VSIG10: variants seen among roughly 807,000 people sequenced by gnomAD.
VSIG10 encodes the protein V-set and immunoglobulin domain containing 10.
Under a neutral mutation model 58.7 loss-of-function variants are expected in VSIG10, and 48 were observed. The observed-to-expected ratio is 0.82, with a 90% CI of 0.65 to 1.04. VSIG10 has a LOEUF of 1.04. VSIG10 is among the 50% of genes least tolerant of loss of function. The pLI, the probability that VSIG10 is intolerant of heterozygous loss-of-function variation, is 0.00. For missense variants in VSIG10, 628 were observed against 670.0 expected (o/e 0.94, Z 0.69); for synonymous variants, 260 against 267.1 (o/e 0.97, Z 0.26).
intron 4 of VSIG10, among the ~76,000 whole-genome samples, chr12:118,074,442 AG>A: frequency 6.6e-6 from 1 of 151,358 alleles, no homozygotes; most frequent in Admixed American, 6.6e-5. Flanking sequence ...GGTTGACTAC[AG>A]TCCAAAAATA....
intron 4 of VSIG10, among the ~76,000 whole-genome samples, chr12:118,077,647 T>C (rs1393493197): frequency 6.6e-6 from 1 of 152,164 alleles, no homozygotes; most frequent in Admixed American, 6.5e-5. Context: ...GGATCCCATG[T>C]AACTCCTGAG....
Position 118,064,557 on chromosome 12 carries a change from C to A in VSIG10, c.*2082G>T, listed in dbSNP as rs559073286. 6.6e-6 allele frequency: 1 copy of A among 151,872 alleles called. No homozygotes were observed. The highest frequency in any genetic ancestry group is 1.5e-5 in the Non-Finnish European group (1 of 68,020). The allele number at this position is 151,872 out of a possible 1,614,324, so 9.4% of individuals were successfully genotyped here. A position where few individuals can be genotyped will look rare whatever the true frequency, so the allele number is the denominator to read the frequency against. ...CCGAAGACTCTAAAGGAGAGACTCACTCAGTAATTCAGTGACTTTAGAAGC... is the reference window on the plus strand; with the variant it reads ...CCGAAGACTCTAAAGGAGAGACTCAATCAGTAATTCAGTGACTTTAGAAGC... On this transcript the variant is annotated 3_prime_UTR_variant, in exon 9 of 9. Coordinates refer to ENST00000359236, the MANE Select transcript of VSIG10 (RefSeq NM_019086.6).
chr12:118,075,438 C>A (rs1398689655), intron 4 of VSIG10, among the ~76,000 whole-genome samples: 2 of 152,160 alleles, frequency 1.3e-5, no homozygotes, highest in Non-Finnish European at 2.9e-5. Flanking sequence ...TCACTGCAAC[C>A]TCTGCCTCCC....
chr12:118,074,214 G>A (rs977046800), intron 4 of VSIG10, among the ~76,000 whole-genome samples: 6 of 151,742 alleles, frequency 4.0e-5, no homozygotes, highest in Admixed American at 3.3e-4. Context: ...AGCCTCCCGA[G>A]CTGGGATTAC....
intron 8 of VSIG10, among the ~76,000 whole-genome samples, chr12:118,067,451 C>T (rs139722738): frequency 6.7e-6 from 1 of 149,604 alleles, no homozygotes; most frequent in African/African-American, 2.5e-5. Context: ...TTAGTTTGTT[C>T]CCCTAAACTG....
At chr12:118,068,707 A>ACCC in intron 7 of VSIG10, 110 bp from the exon 8 acceptor site, 1 of 1,321,814 alleles carries the variant, frequency 7.6e-7, no homozygotes, top group Admixed American at 2.9e-5. Context: ...GTAATATGGA[A>ACCC]AATTACAGCT....
At chr12:118,066,883 A>G (rs1230303032) in intron 8 of VSIG10, among the ~76,000 whole-genome samples, 189 bp from the exon 9 acceptor site, 1 of 151,888 alleles carries the variant, frequency 6.6e-6, no homozygotes. Context: ...ACCTCTAGGC[A>G]TGCTTGATAC....
rs529563259 is a variant in VSIG10, at chr12:118,103,614, G to A, written c.58C>T (p.Leu20=). Residue 20 remains leucine (L), a synonymous_variant, in exon 1 of 9, where the codon CTG becomes TTG. Coordinates refer to ENST00000359236, the MANE Select transcript of VSIG10 (RefSeq NM_019086.6). ...PRVLVCLGAL[L]AGWVAVGLEA... The stretch of plus-strand genomic sequence containing the variant: ...TTACCTACGGCGACCCAGCCGGCCA[G>A]GAGCGCCCCGAGGCAGACGAGGACG... 6.0e-5 allele frequency: 91 copies of A among 1,520,722 alleles called. No homozygotes were observed. Among genetic ancestry groups the A allele is most frequent in the Non-Finnish European group, 7.6e-5 (87 of 1,140,350 alleles). The allele number at this position is 1,520,722 out of a possible 1,614,324, so 94.2% of individuals were successfully genotyped here. A position where few individuals can be genotyped will look rare whatever the true frequency, so the allele number is the denominator to read the frequency against.
In VSIG10 at chr12:118,103,686, CG is replaced by C; in HGVS notation, c.-16del. Reference sequence around the variant, plus strand: ...CCTGCGGCCATCTCGCCCCAGATCCCGGCTCAGGAAACGCAGGCTCGGGCTG... The same window carrying C: ...CCTGCGGCCATCTCGCCCCAGATCCCGCTCAGGAAACGCAGGCTCGGGCTG... On this transcript the variant is annotated 5_prime_UTR_variant, in exon 1 of 9. Coordinates refer to ENST00000359236, the MANE Select transcript of VSIG10 (RefSeq NM_019086.6). 1 of 1,479,086 alleles carries C rather than the reference CG, an allele frequency of 6.8e-7. No homozygotes were observed. The highest frequency in any genetic ancestry group is 8.9e-7 in the Non-Finnish European group (1 of 1,119,698). 91.6% of individuals were successfully genotyped at this position (1,479,086 alleles called of 1,614,324 possible).
chr12:118,079,850 T>C (rs1021387122), intron 3 of VSIG10, among the ~76,000 whole-genome samples: 1 of 151,992 alleles, frequency 6.6e-6, no homozygotes, highest in African/African-American at 2.4e-5. Context: ...TCTTTGTTTT[T>C]GAGATGGAGT....
At position 118,077,550 on chromosome 12, in the gene VSIG10, C is replaced by T. The variant is rs139962256; in HGVS notation, c.925+1796G>A. Among the ~76,000 whole-genome samples the T allele has an allele frequency of 1.2e-3, 175 of 152,134 alleles. 1 individual carries two copies. The highest frequency in any genetic ancestry group is 1.9e-3 in the Non-Finnish European group (130 of 68,022). ...ATATGTACAGACATTCTCTGACACTCCTCCCTTCAAAAAGTGGTGCCTAAT... is the reference window on the plus strand; with the variant it reads ...ATATGTACAGACATTCTCTGACACTTCTCCCTTCAAAAAGTGGTGCCTAAT... On this transcript the variant is annotated intron_variant, in intron 4 of 8. Coordinates refer to ENST00000359236, the MANE Select transcript of VSIG10 (RefSeq NM_019086.6).
intron 1 of VSIG10, among the ~76,000 whole-genome samples, chr12:118,097,977 C>G (rs1388487187): frequency 6.6e-6 from 1 of 152,084 alleles, no homozygotes; most frequent in Non-Finnish European, 1.5e-5. Flanking sequence ...CTCAGTGGCT[C>G]CAGCCTGGCC....
rs33966824 is a variant in VSIG10, at chr12:118,075,184, GTATATA to G, written c.926-1198_926-1193del. On this transcript the variant is annotated intron_variant, in intron 4 of 8. Coordinates refer to ENST00000359236, the MANE Select transcript of VSIG10 (RefSeq NM_019086.6). ...TATGTATATATATGTATATATGTGT[GTATATA>G]TATATGTGTGTGTGTGTATATATGT... is the stretch of plus-strand genomic sequence containing the variant. 5.2e-3 allele frequency among the ~76,000 whole-genome samples: 771 copies of G among 148,040 alleles called. 6 individuals are homozygous for G. The highest frequency in any genetic ancestry group is 0.018 in the African/African-American group (709 of 40,372).
In VSIG10 at chr12:118,103,497, T is replaced by C. The variant is rs575671408; in HGVS notation, c.79+96A>G. 70 of 1,275,562 alleles carry C rather than the reference T, an allele frequency of 5.5e-5. No homozygotes were observed. In the African/African-American group the frequency reaches 9.2e-4, roughly 17 times the overall value. The allele number at this position is 1,275,562 out of a possible 1,614,324, so 79.0% of individuals were successfully genotyped here. A position where few individuals can be genotyped will look rare whatever the true frequency, so the allele number is the denominator to read the frequency against. On this transcript the variant is annotated intron_variant, in intron 1 of 8. Coordinates refer to ENST00000359236, the MANE Select transcript of VSIG10 (RefSeq NM_019086.6). ...GCTTCTAGGCTGGGGCCACCACGGA[T>C]CCGGGCGGAGTCGGAGGGAATTGGG...
intron 1 of VSIG10, among the ~76,000 whole-genome samples, chr12:118,097,677 C>G (rs1184984180): frequency 2.0e-5 from 3 of 151,592 alleles, no homozygotes; most frequent in Non-Finnish European, 4.4e-5. Flanking sequence ...AATCCCAGCA[C>G]TTTGGGAGGC....
chr12:118,084,753 C>A (rs1412528505), intron 2 of VSIG10, among the ~76,000 whole-genome samples: 4 of 152,150 alleles, frequency 2.6e-5, no homozygotes, highest in Admixed American at 2.0e-4. Context: ...GTAGAGCATG[C>A]CTGTAATCCC....
chr12:118,103,583 G>C lies in VSIG10; in HGVS notation c.79+10C>G, dbSNP rs1325293735. ...AACTCAACTTTTCCCTCCAGATCGC[G>C]GCCCCTTACCTACGGCGACCCAGCC... On this transcript the variant is annotated intron_variant, in intron 1 of 8. Transcript: ENST00000359236. 6.6e-7 allele frequency: 1 copy of C among 1,518,984 alleles called. No homozygotes were observed. The highest frequency in any genetic ancestry group is 2.7e-5 in the East Asian group (1 of 36,826). The allele number at this position is 1,518,984 out of a possible 1,614,324, so 94.1% of individuals were successfully genotyped here. A position where few individuals can be genotyped will look rare whatever the true frequency, so the allele number is the denominator to read the frequency against.
intron 2 of VSIG10, among the ~76,000 whole-genome samples, chr12:118,087,264 G>A (rs1218027506): frequency 1.3e-5 from 2 of 151,700 alleles, no homozygotes; most frequent in African/African-American, 2.4e-5. Context: ...ATCACACCAC[G>A]GGTGCCCATT....
chr12:118,097,896 C>T (rs912868960), intron 1 of VSIG10, among the ~76,000 whole-genome samples: 1 of 152,148 alleles, frequency 6.6e-6, no homozygotes, highest in Admixed American at 6.6e-5. Flanking sequence ...GTACTCCAGC[C>T]TGGGTGACAA....
Sources: allele counts gnomAD v4.1 joint callset (sites outside exome capture counted in the v4.1 genomes callset), GRCh38; gene constraint gnomAD v4.1.1; transcripts MANE v1.5; gene names NCBI Gene and HGNC (gene_info 2026-07-23, HGNC 2026-07-21).